The following TENM4 variants were observed in gnomAD, a reference collection of about 807,000 sequenced individuals.
The protein encoded by TENM4 is teneurin transmembrane protein 4.
In TENM4, 82 loss-of-function variants were observed where a neutral mutation model predicts 243.3. The observed-to-expected ratio is 0.34, with a 90% CI of 0.28 to 0.40. The LOEUF is 0.40. TENM4 is among the 10% of genes least tolerant of loss of function. TENM4 has a pLI of 1.00. For synonymous variants in TENM4, 1,412 were observed against 1,456.3 expected (o/e 0.97, Z 0.69); for missense variants, 3,138 against 3,673.3 (o/e 0.85, Z 3.77).
chr11:79,183,117 A>G (rs760337673), intron 3 of TENM4, among the ~76,000 whole-genome samples: 2 of 152,246 alleles, frequency 1.3e-5, no homozygotes, highest in Admixed American at 1.3e-4. Context: ...GAATGTGTAT[A>G]GTACTTTTAT....
intron 6 of TENM4, among the ~76,000 whole-genome samples, chr11:78,973,794 C>G (rs1331095924): frequency 6.6e-6 from 1 of 151,216 alleles, no homozygotes; most frequent in Non-Finnish European, 1.5e-5. Flanking sequence ...ATTACTTTTG[C>G]ACCAACTTAA....
intron 1 of TENM4, among the ~76,000 whole-genome samples, chr11:79,368,789 C>T (rs1857725203): frequency 6.6e-6 from 1 of 152,188 alleles, no homozygotes; most frequent in Non-Finnish European, 1.5e-5. Context: ...AAGCTTTTAT[C>T]ACCATCGTCA....
chr11:79,267,288 T>G (rs940877504), intron 2 of TENM4, among the ~76,000 whole-genome samples: 1 of 152,218 alleles, frequency 6.6e-6, no homozygotes, highest in African/African-American at 2.4e-5. Context: ...TCAATCTCCA[T>G]ATGTCTACTC....
At chr11:78,704,034 TAC>T (rs375601895) in intron 27 of TENM4, among the ~76,000 whole-genome samples, 9,115 of 137,892 alleles carry the variant, frequency 0.066, 525 homozygotes, top group African/African-American at 0.16. Context: ...CATATATATA[TAC>T]ACACACACAC....
intron 28 of TENM4, among the ~76,000 whole-genome samples, chr11:78,691,147 C>G (rs933577063): frequency 9.2e-5 from 14 of 152,182 alleles, no homozygotes; most frequent in African/African-American, 3.1e-4. Context: ...AGAATGCCTC[C>G]CCTGCACTGC....
intron 9 of TENM4, among the ~76,000 whole-genome samples, chr11:78,881,056 T>C (rs913169928): frequency 6.6e-5 from 10 of 152,224 alleles, no homozygotes; most frequent in Admixed American, 1.3e-4. Flanking sequence ...TTTCTGTATG[T>C]ACATTATATC....
At chr11:78,912,545 C>T (rs372834531) in intron 6 of TENM4, among the ~76,000 whole-genome samples, 2 of 152,202 alleles carry the variant, frequency 1.3e-5, no homozygotes, top group Non-Finnish European at 2.9e-5. Flanking sequence ...CGTGAGCCAC[C>T]GCGCCTAGCC....
At chr11:79,224,949 C>CT (rs1056585078) in intron 2 of TENM4, among the ~76,000 whole-genome samples, 1 of 147,908 alleles carries the variant, frequency 6.8e-6, no homozygotes, top group African/African-American at 2.5e-5. Flanking sequence ...CAGACTCTGT[C>CT]TAAAAAAAAA....
rs756075933 is a variant in TENM4, at chr11:78,688,209, C to A, written c.5105G>T (p.Arg1702Leu). ...TTFYEYDSFGRLTNVTFPTGQ... is the reference protein window; with the variant it reads ...TTFYEYDSFGLLTNVTFPTGQ... ...AGTAGGGAAGGTCACATTTGTCAGG[C>A]GGCCAAAGCTGTCGTACCTGGAAAC... The change falls in exon 29 of 34, where the codon CGC becomes CTC. Residue 1702 changes from arginine (R) to leucine (L), a missense_variant. Around this residue, in one of 2 missense-constraint regions of TENM4, gnomAD observed 2,467 missense variants for 3,059.1 expected, o/e 0.81. Coordinates refer to ENST00000278550, the MANE Select transcript of TENM4 (RefSeq NM_001098816.3). 6.2e-7 allele frequency: 1 copy of A among 1,613,092 alleles called. No individual in the cohort carries two copies. The highest frequency in any genetic ancestry group is 8.5e-7 in the Non-Finnish European group (1 of 1,179,408).
rs571645066 is a variant in TENM4, at chr11:78,812,365, C to G, written c.1784-49G>C. ...GGCATGAATCAATGTCCAGCACACC[C>G]CAACTGCCTTTGTCTCTTTCTCCTC... On this transcript the variant is annotated intron_variant, in intron 13 of 33. Coordinates refer to ENST00000278550, the MANE Select transcript of TENM4 (RefSeq NM_001098816.3). 2.0e-6 allele frequency: 3 copies of G among 1,531,302 alleles called. No individual in the cohort carries two copies. In the South Asian group the frequency reaches 3.7e-5, roughly 19 times the overall value. The allele number at this position is 1,531,302 out of a possible 1,614,324, so 94.9% of individuals were successfully genotyped here. A position where few individuals can be genotyped will look rare whatever the true frequency, so the allele number is the denominator to read the frequency against.
intron 1 of TENM4, among the ~76,000 whole-genome samples, chr11:79,321,374 T>C (rs1856885833): frequency 6.6e-6 from 1 of 152,206 alleles, no homozygotes; most frequent in Non-Finnish European, 1.5e-5. Context: ...TGCTGCTTAA[T>C]GCTTCTCCTC....
chr11:78,875,325 T>C (rs1859242606), intron 9 of TENM4, among the ~76,000 whole-genome samples: 1 of 152,188 alleles, frequency 6.6e-6, no homozygotes, highest in African/African-American at 2.4e-5. Context: ...TGCTTCAGCC[T>C]CTCGAGTAGT....
At chr11:79,010,695 G>A (rs929120383) in intron 6 of TENM4, among the ~76,000 whole-genome samples, 7 of 152,100 alleles carry the variant, frequency 4.6e-5, no homozygotes, top group Non-Finnish European at 7.4e-5. Flanking sequence ...GGGAACAGCA[G>A]GAGAAAGACC....
intron 6 of TENM4, among the ~76,000 whole-genome samples, chr11:78,917,257 C>A (rs1165661534): frequency 1.3e-5 from 2 of 152,198 alleles, no homozygotes; most frequent in Non-Finnish European, 2.9e-5. Flanking sequence ...ATGCAGAGTC[C>A]TTCCCAGCCT....
At chr11:79,316,719 G>A (rs911875925) in intron 1 of TENM4, among the ~76,000 whole-genome samples, 4 of 152,160 alleles carry the variant, frequency 2.6e-5, no homozygotes, top group Non-Finnish European at 4.4e-5. Context: ...AAGTGCAGGC[G>A]GGCAGGCAAG....
intron 3 of TENM4, among the ~76,000 whole-genome samples, chr11:79,185,307 A>T (rs1863361493): frequency 6.6e-6 from 1 of 152,036 alleles, no homozygotes; most frequent in Admixed American, 6.6e-5. Context: ...CTCACAAAAA[A>T]CTACAACAAC....
chr11:78,737,458 A>G (rs1208615121), intron 20 of TENM4, among the ~76,000 whole-genome samples: 2 of 152,188 alleles, frequency 1.3e-5, no homozygotes, highest in African/African-American at 2.4e-5. Context: ...CCTCTACTTC[A>G]TTATCACCTC....
chr11:78,662,063 G>C (rs1858045213), intron 32 of TENM4, among the ~76,000 whole-genome samples: 1 of 152,156 alleles, frequency 6.6e-6, no homozygotes, highest in South Asian at 2.1e-4. Context: ...GCAGTAATTA[G>C]AGCTTCAGGG....
At chr11:79,123,896 TGAGATCAA>T (rs1861802763) in intron 4 of TENM4, among the ~76,000 whole-genome samples, 1 of 152,150 alleles carries the variant, frequency 6.6e-6, no homozygotes, top group East Asian at 1.9e-4. Context: ...CTAGTGGCCC[TGAGATCAA>T]CCAAGAGGAG....
Sources: gnomAD v4.1 joint callset for allele counts (sites outside exome capture counted in the v4.1 genomes callset) on GRCh38, gnomAD v4.1.1 for gene constraint, gnomAD v4.1.1 regional missense constraint, MANE v1.5 for transcripts, NCBI Gene and HGNC (gene_info 2026-07-23, HGNC 2026-07-21) for gene names.